Variants in PCDHGA9 observed in about 807,000 individuals in gnomAD.
PCDHGA9 encodes protocadherin gamma subfamily A, 9.
A neutral mutation model predicts 62.5 loss-of-function variants in PCDHGA9; 37 were observed. That is an observed-to-expected ratio of 0.59 (90% confidence interval 0.46 to 0.78). The LOEUF is 0.78. Among genes scored for constraint, PCDHGA9 ranks in the 30% least tolerant of loss-of-function variants. PCDHGA9 has a pLI of 0.00. For missense variants in PCDHGA9, 1,138 were observed against 1,166.2 expected (o/e 0.98, Z 0.35); for synonymous variants, 459 against 484.6 (o/e 0.95, Z 0.69).
At position 141,491,692 on chromosome 5, in the gene PCDHGA9, C is replaced by A. The variant is rs749349869; in HGVS notation, c.2425-3115C>A. The A allele has an allele frequency of 6.2e-7, 1 of 1,612,592 alleles. No homozygotes were observed. Among genetic ancestry groups the A allele is most frequent in the Non-Finnish European group, 8.5e-7 (1 of 1,179,338 alleles). On this transcript the variant is annotated intron_variant, in intron 1 of 3. Coordinates refer to ENST00000573521, the MANE Select transcript of PCDHGA9 (RefSeq NM_018921.3). This position sits in a 1 kb window ranked among gnomAD's most constrained non-coding sequence, Gnocchi z 6.9. ...GTCCCGCTCTAATACGCTGCGGGAG[C>A]GGAGCCAGGTGAGGGGCTCGGCGCC...
At chr5:141,447,656 C>T (rs1352103605) in intron 1 of PCDHGA9, among the ~76,000 whole-genome samples, 1 of 152,056 alleles carries the variant, frequency 6.6e-6, no homozygotes, top group Non-Finnish European at 1.5e-5. Flanking sequence ...ATTTTCCCCC[C>T]CAGGAAGTTA....
At position 141,476,128 on chromosome 5, in the gene PCDHGA9, G is replaced by A. The variant is rs1450094771; in HGVS notation, c.2425-18679G>A. 1 of 1,606,456 alleles carries A rather than the reference G, an allele frequency of 6.2e-7. No homozygotes were observed. Among genetic ancestry groups the A allele is most frequent in the African/African-American group, 1.3e-5 (1 of 74,874 alleles). On this transcript the variant is annotated intron_variant, in intron 1 of 3. Transcript: ENST00000573521. The surrounding 1 kb of genome is among the most constrained non-coding windows in gnomAD (Gnocchi z 7.6). ...TGCTTTTGAGTGAGATGGTCCCAGA[G>A]GCCTGGAGGAGCGGACTGGTAAGCA...
chr5:141,480,730 G>A (rs1261461187), intron 1 of PCDHGA9, among the ~76,000 whole-genome samples: 1 of 152,168 alleles, frequency 6.6e-6, no homozygotes, highest in East Asian at 1.9e-4. Flanking sequence ...GTCTCTGGGG[G>A]TGGGACATAG....
Position 141,491,842 on chromosome 5 carries a change from T to C in PCDHGA9, c.2425-2965T>C, listed in dbSNP as rs551615550. The C allele has an allele frequency of 7.5e-6, 11 of 1,464,162 alleles. No homozygotes were observed. In the South Asian group the frequency reaches 1.3e-4, roughly 17 times the overall value. 90.7% of individuals were successfully genotyped at this position (1,464,162 alleles called of 1,614,324 possible). ...GCGCTCCACCCGATTCTCGGGATCA[T>C]TGGACCGTTTGCGCGAAACCAGAGT... On this transcript the variant is annotated intron_variant, in intron 1 of 3. Transcript: ENST00000573521. The surrounding 1 kb of genome is among the most constrained non-coding windows in gnomAD (Gnocchi z 6.9).
In PCDHGA9 at chr5:141,490,296, G is replaced by T; in HGVS notation, c.2425-4511G>T. The stretch of plus-strand genomic sequence containing the variant: ...ATGACAATGCCCCAGAGGTGCTATT[G>T]GCCTCTTTGGCCAACCCTGTCCTAG... On this transcript the variant is annotated intron_variant, in intron 1 of 3. Coordinates refer to ENST00000573521, the MANE Select transcript of PCDHGA9 (RefSeq NM_018921.3). This position sits in a 1 kb window ranked among gnomAD's most constrained non-coding sequence, Gnocchi z 5.4. 6.2e-7 allele frequency: 1 copy of T among 1,614,184 alleles called. No homozygotes were observed. Among genetic ancestry groups the T allele is most frequent in the South Asian group, 1.1e-5 (1 of 91,084 alleles).
At position 141,432,718 on chromosome 5, in the gene PCDHGA9, T is replaced by C; in HGVS notation, c.2424+27342T>C. ...CCGTCCAGGACCACGGCCAGCCCCC[T>C]CTCTCCGCCACTGTCACGCTCACCG... On this transcript the variant is annotated intron_variant, in intron 1 of 3. Coordinates refer to ENST00000573521, the MANE Select transcript of PCDHGA9 (RefSeq NM_018921.3). This position sits in a 1 kb window ranked among gnomAD's most constrained non-coding sequence, Gnocchi z 6.0. 1 of 1,613,476 alleles carries C rather than the reference T, an allele frequency of 6.2e-7. No homozygotes were observed. The highest frequency in any genetic ancestry group is 8.5e-7 in the Non-Finnish European group (1 of 1,179,862).
chr5:141,477,778 C>A lies in PCDHGA9; in HGVS notation c.2425-17029C>A. The stretch of plus-strand genomic sequence containing the variant: ...TCCTAGCCACCAACATCAGCGTGAA[C>A]ATATTTGTCACTGATCGCAATGACA... On this transcript the variant is annotated intron_variant, in intron 1 of 3. Coordinates refer to ENST00000573521, the MANE Select transcript of PCDHGA9 (RefSeq NM_018921.3). The surrounding 1 kb of genome is among the most constrained non-coding windows in gnomAD (Gnocchi z 4.9). The A allele has an allele frequency of 6.2e-7, 1 of 1,614,052 alleles. No individual in the cohort carries two copies. The highest frequency in any genetic ancestry group is 8.5e-7 in the Non-Finnish European group (1 of 1,180,040).
rs141034739 is a variant in PCDHGA9 at position 141,491,100 on chromosome 5, C to T, written c.2425-3707C>T. The T allele has an allele frequency of 2.7e-4, 430 of 1,614,138 alleles. No homozygotes were observed. The African/African-American group carries it at 4.7e-3, about 18-fold the overall frequency. ...AGTCCACAGCCCCAGGACTGTTCCT[C>T]GTGTCTACACACACTGGTGAGGTGC... On this transcript the variant is annotated intron_variant, in intron 1 of 3. Transcript: ENST00000573521. The surrounding 1 kb of genome is among the most constrained non-coding windows in gnomAD (Gnocchi z 6.9).
At chr5:141,428,141 G>A (rs1314061143) in intron 1 of PCDHGA9, 1 of 1,596,618 alleles carries the variant, frequency 6.3e-7, no homozygotes, top group Non-Finnish European at 8.6e-7. Context: ...GCCTGGGGCT[G>A]CACACGGGAA....
At chr5:141,500,488 C>A (rs569168291) in intron 2 of PCDHGA9, among the ~76,000 whole-genome samples, 2 of 152,060 alleles carry the variant, frequency 1.3e-5, no homozygotes, top group East Asian at 3.9e-4. Flanking sequence ...GGATTACAGG[C>A]GTGAGCCACC....
intron 1 of PCDHGA9, chr5:141,475,934 GC>G (rs879308605): frequency 6.0e-6 from 4 of 665,236 alleles, no homozygotes; most frequent in Non-Finnish European, 1.0e-5. Context: ...TCGGGCCCCT[GC>G]CCGTCCCCTT....
chr5:141,481,877 G>A (rs535267598), intron 1 of PCDHGA9, among the ~76,000 whole-genome samples: 4 of 144,402 alleles, frequency 2.8e-5, no homozygotes, highest in African/African-American at 7.8e-5. Context: ...TCGCGCCACT[G>A]CACTCCAGCC....
At chr5:141,416,093 C>T (rs1241017265) in intron 1 of PCDHGA9, 1 of 162,720 alleles carries the variant, frequency 6.1e-6, no homozygotes, top group Admixed American at 6.4e-5. Flanking sequence ...AGGAGAAGGG[C>T]AATAGGCCTT....
chr5:141,504,786 C>T (rs568185327), intron 2 of PCDHGA9, among the ~76,000 whole-genome samples: 1 of 152,132 alleles, frequency 6.6e-6, no homozygotes, highest in Non-Finnish European at 1.5e-5. Flanking sequence ...TCTCTTGGGG[C>T]CTCCTACATC....
rs202006594 is a variant in PCDHGA9, at chr5:141,477,618, C to A, written c.2425-17189C>A. 15 of 1,614,176 alleles carry A rather than the reference C, an allele frequency of 9.3e-6. No homozygotes were observed. The African/African-American group carries it at 1.3e-4, about 14-fold the overall frequency. ...TCTTTCTTTCTCTTGGAGCAAGGAGCTGAAACCGGGCTAGTGGGTCGCTAT... is the reference window on the plus strand; with the variant it reads ...TCTTTCTTTCTCTTGGAGCAAGGAGATGAAACCGGGCTAGTGGGTCGCTAT... On this transcript the variant is annotated intron_variant, in intron 1 of 3. Coordinates refer to ENST00000573521, the MANE Select transcript of PCDHGA9 (RefSeq NM_018921.3). The surrounding 1 kb of genome is among the most constrained non-coding windows in gnomAD (Gnocchi z 4.9).
In PCDHGA9 at chr5:141,487,818, G is replaced by A. The variant is rs1009237001; in HGVS notation, c.2425-6989G>A. On this transcript the variant is annotated intron_variant, in intron 1 of 3. Coordinates refer to ENST00000573521, the MANE Select transcript of PCDHGA9 (RefSeq NM_018921.3). This position sits in a 1 kb window ranked among gnomAD's most constrained non-coding sequence, Gnocchi z 5.0. ...GAGTTGTCACAGTTTAGCATTGGGG[G>A]CGGGTCATGCCTATATCTGAGTAAG... The A allele has an allele frequency of 1.2e-4, 158 of 1,331,596 alleles. No homozygotes were observed. The highest frequency in any genetic ancestry group is 1.4e-4 in the Non-Finnish European group (140 of 970,524). 82.5% of individuals were successfully genotyped at this position (1,331,596 alleles called of 1,614,324 possible). A position where few individuals can be genotyped will look rare whatever the true frequency, so the allele number is the denominator to read the frequency against.
intron 2 of PCDHGA9, among the ~76,000 whole-genome samples, chr5:141,500,182 A>T (rs1050067271): frequency 4.6e-5 from 6 of 131,718 alleles, no homozygotes; most frequent in African/African-American, 1.9e-4. Context: ...CTTCATTTTT[A>T]TTTTTATTTA....
At chr5:141,508,961 A>C (rs991011427) in intron 3 of PCDHGA9, among the ~76,000 whole-genome samples, 2 of 151,978 alleles carry the variant, frequency 1.3e-5, no homozygotes, top group African/African-American at 4.8e-5. Context: ...TGTCAGCGGA[A>C]TGAAAGGGCT....
rs35482758 is a variant in PCDHGA9, at chr5:141,473,653, G to A, written c.2425-21154G>A. On this transcript the variant is annotated intron_variant, in intron 1 of 3. Coordinates refer to ENST00000573521, the MANE Select transcript of PCDHGA9 (RefSeq NM_018921.3). ...AGCTTTCCTGGCAAAGGAACAATTT[G>A]TGTGAAGGCCCTGAGACAGGGAAGG... Among the ~76,000 whole-genome samples, 302 of 152,274 alleles carry A rather than the reference G, an allele frequency of 2.0e-3. 1 individual carries two copies. Among genetic ancestry groups the A allele is most frequent in the Middle Eastern group, 0.01 (3 of 294 alleles).
Sources: gnomAD v4.1 joint callset for allele counts (sites outside exome capture counted in the v4.1 genomes callset) on GRCh38, gnomAD v4.1.1 for gene constraint, Gnocchi (gnomAD v3.1) non-coding constraint, MANE v1.5 for transcripts, NCBI Gene and HGNC (gene_info 2026-07-23, HGNC 2026-07-21) for gene names.